Variants in GPHB5 observed in about 807,000 individuals in gnomAD.
The protein encoded by GPHB5 is glycoprotein hormone subunit beta 5, also known as glycoprotein hormone beta-5.
Under a neutral mutation model 10.1 loss-of-function variants are expected in GPHB5, and 7 were observed. The ratio of observed to expected loss-of-function variants is 0.69; its 90% CI spans 0.39 to 1.30. The LOEUF (loss-of-function observed/expected upper bound fraction) is 1.30. Ranked by LOEUF, GPHB5 falls within the 50% of genes most tolerant of loss-of-function variation. The pLI, the probability that GPHB5 is intolerant of heterozygous loss-of-function variation, is 0.01. For missense variants in GPHB5, 161 were observed against 169.8 expected, an observed-to-expected ratio of 0.95 and a Z score of 0.29; for synonymous variants, 68 against 70.1, an observed-to-expected ratio of 0.97 and a Z score of 0.15.
chr14:63,313,130 TAGAAAAC>T lies in GPHB5; in HGVS notation c.205-21_205-15del, dbSNP rs1477717541. 16 of 1,550,636 alleles carry T rather than the reference TAGAAAAC, an allele frequency of 1.0e-5. No homozygotes were observed. Among genetic ancestry groups the T allele is most frequent in the Non-Finnish European group, 1.4e-5 (16 of 1,149,882 alleles). On this transcript the variant is annotated splice_polypyrimidine_tract_variant and intron_variant, in intron 2 of 2. Transcript: ENST00000621500. ...CAGAATGGGTTTCTGTCCCCATAGA[TAGAAAAC>T]AGAGAATTCATTAGAACATATGATC...
intron 1 of GPHB5, 87 bp downstream of exon 1, chr14:63,318,737 A>G (rs907339894): frequency 6.6e-6 from 1 of 152,146 alleles, no homozygotes; most frequent in Non-Finnish European, 1.5e-5. Flanking sequence ...CATTATTCTC[A>G]CAGTTCCTAC....
In GPHB5 at chr14:63,318,620, C is replaced by T. The variant is rs576162198; in HGVS notation, c.-2+204G>A. ...TCTTGGTCATTCCCCGTGCTCTTTC[C>T]GGAGCCAGAATCAACCCCCTTCATG... On this transcript the variant is annotated intron_variant, in intron 1 of 2. Transcript: ENST00000621500. Among the ~76,000 whole-genome samples the T allele has an allele frequency of 3.3e-5, 5 of 152,290 alleles. No individual in the cohort carries two copies. The East Asian group carries it at 5.8e-4, about 18-fold the overall frequency.
chr14:63,313,629 C>T (rs1451851644), intron 2 of GPHB5, among the ~76,000 whole-genome samples: 1 of 152,192 alleles, frequency 6.6e-6, no homozygotes, highest in Non-Finnish European at 1.5e-5. Context: ...GACTTCCTCA[C>T]TAGGCTCACG....
chr14:63,315,164 C>G (rs569660127), intron 2 of GPHB5, among the ~76,000 whole-genome samples: 1 of 152,158 alleles, frequency 6.6e-6, no homozygotes, highest in South Asian at 2.1e-4. Context: ...ATCCACCCAC[C>G]ACAGCCTCCC....
chr14:63,317,861 G>A lies in GPHB5; in HGVS notation c.-1-11C>T, dbSNP rs367575675. 105 of 1,613,054 alleles carry A rather than the reference G, an allele frequency of 6.5e-5. No homozygotes were observed. Among genetic ancestry groups the A allele is most frequent in the East Asian group, 1.6e-4 (7 of 44,890 alleles). Reference sequence around the variant, plus strand: ...AATGCCAGCTTCATGCTGCTCTTCCGGAGAGGGAAAGGACAGAGTTTAACA... The same window carrying A: ...AATGCCAGCTTCATGCTGCTCTTCCAGAGAGGGAAAGGACAGAGTTTAACA... On this transcript the variant is annotated splice_polypyrimidine_tract_variant and intron_variant, in intron 1 of 2. Coordinates refer to ENST00000621500, the MANE Select transcript of GPHB5 (RefSeq NM_145171.4).
chr14:63,316,062 G>A (rs1882764801), intron 2 of GPHB5, among the ~76,000 whole-genome samples: 1 of 152,216 alleles, frequency 6.6e-6, no homozygotes, highest in Admixed American at 6.5e-5. Flanking sequence ...TGAACAGGAG[G>A]AGGTGCCAAG....
At chr14:63,314,464 A>G (rs537792741) in intron 2 of GPHB5, among the ~76,000 whole-genome samples, 1 of 147,708 alleles carries the variant, frequency 6.8e-6, no homozygotes, top group African/African-American at 2.5e-5. Context: ...GCTGTCTCCC[A>G]GGCTGGAGTT....
At chr14:63,315,374 G>A (rs1882754869) in intron 2 of GPHB5, among the ~76,000 whole-genome samples, 1 of 152,116 alleles carries the variant, frequency 6.6e-6, no homozygotes, top group Non-Finnish European at 1.5e-5. Flanking sequence ...TAATTTTTTA[G>A]TATAAGTCAT....
chr14:63,318,261 G>A (rs980128758), intron 1 of GPHB5, among the ~76,000 whole-genome samples: 1 of 152,138 alleles, frequency 6.6e-6, no homozygotes, highest in Non-Finnish European at 1.5e-5. Flanking sequence ...GGGTATTTGG[G>A]TGCCATGTTA....
Position 63,317,638 on chromosome 14 carries a change from C to T in GPHB5, c.204+8G>A. The T allele has an allele frequency of 6.2e-7, 1 of 1,613,678 alleles. No homozygotes were observed. Among genetic ancestry groups the T allele is most frequent in the East Asian group, 2.2e-5 (1 of 44,892 alleles). On this transcript the variant is annotated splice_region_variant and intron_variant, in intron 2 of 2. Coordinates refer to ENST00000621500, the MANE Select transcript of GPHB5 (RefSeq NM_145171.4). ...AGACACTGTCATCTGCACAACTTAG[C>T]AACTCACCTCCCAGGTCTCACAGCG...
At chr14:63,316,058 G>T (rs1468130609) in intron 2 of GPHB5, among the ~76,000 whole-genome samples, 1 of 152,250 alleles carries the variant, frequency 6.6e-6, no homozygotes. Context: ...TCCCTGAACA[G>T]GAGGAGGTGC....
Position 63,313,063 on chromosome 14 carries a change from G to A in GPHB5, c.258C>T (p.Tyr86=), listed in dbSNP as rs1466978738. 2.5e-6 allele frequency: 4 copies of A among 1,607,310 alleles called. No homozygotes were observed. The highest frequency in any genetic ancestry group is 3.4e-5 in the Admixed American group (2 of 59,084). Reference sequence around the variant, plus strand: ...TGACAGTCACCTGTTTGGTCTCGTTGTAGGTACAGACTCGATGATGGGCTT... The same window carrying A: ...TGACAGTCACCTGTTTGGTCTCGTTATAGGTACAGACTCGATGATGGGCTT... ...YIEAHHRVCT[Y]NETKQVTVKL... is the part of the protein sequence containing the mutation. The change falls in exon 3 of 3, where the codon TAC becomes TAT. Residue 86 remains tyrosine (Y), a synonymous_variant. Coordinates refer to ENST00000621500, the MANE Select transcript of GPHB5 (RefSeq NM_145171.4).
At position 63,313,082 on chromosome 14, in the gene GPHB5, T is replaced by A; in HGVS notation, c.239A>T (p.His80Leu). The change falls in exon 3 of 3, where the codon CAT becomes CTT. Residue 80 changes from histidine (H) to leucine (L), a missense_variant. Transcript: ENST00000621500. ...CTCGTTGTAGGTACAGACTCGATGA[T>A]GGGCTTCAATATAGGGGGGTTCCAG... ...PILEPPYIEA[H>L]HRVCTYNETK... 2 of 1,606,064 alleles carry A rather than the reference T, an allele frequency of 1.2e-6. No individual in the cohort carries two copies. The highest frequency in any genetic ancestry group is 1.7e-6 in the Non-Finnish European group (2 of 1,176,388).
intron 1 of GPHB5, 148 bp from the exon 2 acceptor site, chr14:63,317,998 T>G (rs1039334605): frequency 1.5e-6 from 1 of 678,418 alleles, no homozygotes; most frequent in African/African-American, 1.8e-5. Flanking sequence ...GCCCACAAAC[T>G]CCAACACAGG....
chr14:63,316,204 A>C (rs572075431), intron 2 of GPHB5, among the ~76,000 whole-genome samples: 6 of 152,226 alleles, frequency 3.9e-5, no homozygotes, highest in Non-Finnish European at 8.8e-5. Context: ...GTTTCATCCA[A>C]TTTGGAGATT....
chr14:63,315,604 C>T (rs1204591461), intron 2 of GPHB5, among the ~76,000 whole-genome samples: 1 of 152,088 alleles, frequency 6.6e-6, no homozygotes, highest in Non-Finnish European at 1.5e-5. Context: ...TTTCAACAAC[C>T]TTCAAATGTA....
chr14:63,317,873 G>C, intron 1 of GPHB5, 23 bp from the exon 2 acceptor site: 1 of 1,611,108 alleles, frequency 6.2e-7, no homozygotes, highest in Non-Finnish European at 8.5e-7. Context: ...AGAGGGAAAG[G>C]ACAGAGTTTA....
intron 2 of GPHB5, among the ~76,000 whole-genome samples, chr14:63,314,768 G>A (rs1391781010): frequency 1.3e-5 from 2 of 151,984 alleles, no homozygotes; most frequent in Non-Finnish European, 2.9e-5. Context: ...ATAATAACAA[G>A]CTTTCAAATG....
At position 63,312,858 on chromosome 14, in the gene GPHB5, T is replaced by G. The variant is rs1374955394; in HGVS notation, c.*70A>C. The G allele has an allele frequency of 2.1e-6, 3 of 1,412,800 alleles. No individual in the cohort carries two copies. Among genetic ancestry groups the G allele is most frequent in the Non-Finnish European group, 2.9e-6 (3 of 1,047,504 alleles). The allele number at this position is 1,412,800 out of a possible 1,614,324, so 87.5% of individuals were successfully genotyped here. A position where few individuals can be genotyped will look rare whatever the true frequency, so the allele number is the denominator to read the frequency against. On this transcript the variant is annotated 3_prime_UTR_variant, in exon 3 of 3. Transcript: ENST00000621500. ...CATGGGTGTGGTCGAAATTAAACAG[T>G]CTTGCATCCAGGAAGTATAACTGCA...
Sources: gnomAD v4.1 joint callset for allele counts (sites outside exome capture counted in the v4.1 genomes callset) on GRCh38, gnomAD v4.1.1 for gene constraint, MANE v1.5 for transcripts, NCBI Gene and HGNC (gene_info 2026-07-23, HGNC 2026-07-21) for gene names.